Variants in NFIA observed in about 807,000 individuals in gnomAD.
NFIA encodes nuclear factor I A.
NFIA carries 8 observed loss-of-function variants against 62.8 expected under a neutral mutation model. The ratio of observed to expected loss-of-function variants is 0.13; its 90% CI spans 0.07 to 0.23. The LOEUF (loss-of-function observed/expected upper bound fraction) is 0.23. Among genes scored for constraint, NFIA ranks in the 10% least tolerant of loss-of-function variants. NFIA has a pLI of 1.00. For missense variants in NFIA, 410 were observed against 642.1 expected, an observed-to-expected ratio of 0.64 and a Z score of 3.91; for synonymous variants, 235 against 238.1, an observed-to-expected ratio of 0.99 and a Z score of 0.12.
rs111766574 is a variant in NFIA at position 61,415,434 on chromosome 1, G to A, written c.1420+8707G>A. On this transcript the variant is annotated intron_variant, in intron 9 of 10. Coordinates refer to ENST00000403491, the MANE Select transcript of NFIA (RefSeq NM_001134673.4). ...AGATAGAAAAAAAATTGTAACAGACGTGACAGGGCTAAATTATCTAACATA... is the reference window on the plus strand; with the variant it reads ...AGATAGAAAAAAAATTGTAACAGACATGACAGGGCTAAATTATCTAACATA... Among the ~76,000 whole-genome samples, 1,360 of 152,136 alleles carry A rather than the reference G, an allele frequency of 8.9e-3. 17 individuals carry two copies. Among genetic ancestry groups the A allele is most frequent in the African/African-American group, 0.031 (1,278 of 41,510 alleles).
intron 6 of NFIA, among the ~76,000 whole-genome samples, chr1:61,368,082 A>C (rs1412777975): frequency 6.6e-6 from 1 of 152,238 alleles, no homozygotes; most frequent in Non-Finnish European, 1.5e-5. Flanking sequence ...GTGAATGCAG[A>C]AGCTCTCAGG....
chr1:61,399,070 G>T (rs1230772627), intron 7 of NFIA, among the ~76,000 whole-genome samples: 1 of 152,074 alleles, frequency 6.6e-6, no homozygotes, highest in Admixed American at 6.5e-5. Context: ...GAGTAGTCAA[G>T]AGTTCTTAAT....
At chr1:61,445,099 G>A (rs1557444505) in intron 10 of NFIA, among the ~76,000 whole-genome samples, 2 of 152,140 alleles carry the variant, frequency 1.3e-5, no homozygotes, top group South Asian at 2.1e-4. Flanking sequence ...CTTTGCTTGC[G>A]AGATCTCCAT....
At chr1:61,426,661 C>T in intron 10 of NFIA, 105 bp downstream of exon 10, 1 of 832,566 alleles carries the variant, frequency 1.2e-6, no homozygotes. Context: ...AGACCCTGTC[C>T]AGTCTTCCCT....
chr1:61,333,350 C>A (rs1436622259), intron 4 of NFIA, among the ~76,000 whole-genome samples: 1 of 152,038 alleles, frequency 6.6e-6, no homozygotes, highest in African/African-American at 2.4e-5. Flanking sequence ...AGGTTCATAC[C>A]CCCCATTCAC....
intron 3 of NFIA, among the ~76,000 whole-genome samples, chr1:61,288,574 C>T (rs1358091019): frequency 6.6e-6 from 1 of 152,188 alleles, no homozygotes; most frequent in Non-Finnish European, 1.5e-5. Context: ...AATAGTAGCT[C>T]ACAATCATTG....
At chr1:61,382,242 C>T (rs926503559) in intron 6 of NFIA, among the ~76,000 whole-genome samples, 1 of 152,082 alleles carries the variant, frequency 6.6e-6, no homozygotes, top group African/African-American at 2.4e-5. Flanking sequence ...GGTATGTCAG[C>T]GTGGTTGCCG....
intron 2 of NFIA, among the ~76,000 whole-genome samples, chr1:61,275,093 A>G (rs1657729943): frequency 6.6e-6 from 1 of 152,184 alleles, no homozygotes; most frequent in Admixed American, 6.5e-5. Flanking sequence ...TAAAACTAGA[A>G]AAATTAAATT....
At chr1:61,216,432 G>A (rs1048883791) in intron 2 of NFIA, among the ~76,000 whole-genome samples, 5 of 152,098 alleles carry the variant, frequency 3.3e-5, no homozygotes, top group Non-Finnish European at 7.4e-5. Flanking sequence ...TTCTTGCTCT[G>A]GGTAAAAGGT....
chr1:61,419,406 C>G (rs1666501458), intron 9 of NFIA, among the ~76,000 whole-genome samples: 1 of 152,172 alleles, frequency 6.6e-6, no homozygotes, highest in African/African-American at 2.4e-5. Flanking sequence ...GCACTCCACT[C>G]CAGCCTGGGT....
At chr1:61,378,638 G>C (rs1412894237) in intron 6 of NFIA, among the ~76,000 whole-genome samples, 1 of 152,110 alleles carries the variant, frequency 6.6e-6, no homozygotes, top group Non-Finnish European at 1.5e-5. Flanking sequence ...CAGTTTCCAT[G>C]GGTCTGGAGC....
chr1:61,341,592 C>T (rs1020057766), intron 4 of NFIA, among the ~76,000 whole-genome samples: 1 of 152,152 alleles, frequency 6.6e-6, no homozygotes, highest in African/African-American at 2.4e-5. Context: ...ATCCTCCCAC[C>T]TCAGCCTTCC....
At position 61,128,448 on chromosome 1, in the gene NFIA, C is replaced by T. The variant is rs115250548; in HGVS notation, c.559+39768C>T. Among the ~76,000 whole-genome samples the T allele has an allele frequency of 6.4e-3, 968 of 151,974 alleles. 16 individuals carry two copies. The highest frequency in any genetic ancestry group is 0.021 in the African/African-American group (887 of 41,458). The stretch of plus-strand genomic sequence containing the variant: ...AAACATAGCGAAACCACATCTCTAC[C>T]GAAAAATACAAAAATTAGCCATGCT... On this transcript the variant is annotated intron_variant, in intron 2 of 10. Coordinates refer to ENST00000403491, the MANE Select transcript of NFIA (RefSeq NM_001134673.4).
chr1:61,096,860 GTTCT>G (rs1557562260), intron 2 of NFIA, among the ~76,000 whole-genome samples: 1 of 151,892 alleles, frequency 6.6e-6, no homozygotes, highest in African/African-American at 2.4e-5. Flanking sequence ...GACAAGATTA[GTTCT>G]TAATGATTTC....
chr1:61,462,035 T>G lies in NFIA; in HGVS notation c.*6715T>G, dbSNP rs948772798. The G allele has an allele frequency of 4.0e-5, 6 of 149,946 alleles. No homozygotes were observed. Among genetic ancestry groups the G allele is most frequent in the African/African-American group, 1.5e-4 (6 of 40,764 alleles). 9.3% of individuals were successfully genotyped at this position (149,946 alleles called of 1,614,324 possible). Reference sequence around the variant, plus strand: ...GTTAGCCTTTTTGGGTTTTTTTTTTTTTTTTTTGGCTTTTTTTTTTGTTTG... The same window carrying G: ...GTTAGCCTTTTTGGGTTTTTTTTTTGTTTTTTTGGCTTTTTTTTTTGTTTG... On this transcript the variant is annotated 3_prime_UTR_variant, in exon 11 of 11. Coordinates refer to ENST00000403491, the MANE Select transcript of NFIA (RefSeq NM_001134673.4).
At chr1:61,388,232 A>G (rs962606703) in intron 7 of NFIA, among the ~76,000 whole-genome samples, 2 of 152,232 alleles carry the variant, frequency 1.3e-5, no homozygotes, top group Non-Finnish European at 2.9e-5. Flanking sequence ...GCATTTGTAC[A>G]TCGTTATACG....
Position 61,406,542 on chromosome 1 carries a change from T to TG in NFIA, c.1255-19dup, listed in dbSNP as rs1665830183. ...TTCTTTTTCTTGTACGTGTGTTTTCTGCCCCCCCCCCCCCCACAGCCCAAT... is the reference window on the plus strand; with the variant it reads ...TTCTTTTTCTTGTACGTGTGTTTTCTGGCCCCCCCCCCCCCCACAGCCCAAT... On this transcript the variant is annotated intron_variant, in intron 8 of 10. Transcript: ENST00000403491. 10 of 1,253,830 alleles carry TG rather than the reference T, an allele frequency of 8.0e-6. No homozygotes were observed. Among genetic ancestry groups the TG allele is most frequent in the Non-Finnish European group, 1.1e-5 (10 of 931,744 alleles). 77.7% of individuals were successfully genotyped at this position (1,253,830 alleles called of 1,614,324 possible).
intron 3 of NFIA, among the ~76,000 whole-genome samples, chr1:61,301,083 G>A (rs139362460): frequency 6.6e-6 from 1 of 152,110 alleles, no homozygotes; most frequent in Admixed American, 6.6e-5. Flanking sequence ...ATACATACCA[G>A]TTCCTCAAGG....
chr1:61,185,948 A>T (rs1319246267), intron 2 of NFIA, among the ~76,000 whole-genome samples: 1 of 152,172 alleles, frequency 6.6e-6, no homozygotes, highest in Non-Finnish European at 1.5e-5. Flanking sequence ...CTATGATGTC[A>T]GTCCCACAAG....
Sources: gnomAD v4.1 joint callset for allele counts (sites outside exome capture counted in the v4.1 genomes callset) on GRCh38, gnomAD v4.1.1 for gene constraint, MANE v1.5 for transcripts, NCBI Gene and HGNC (gene_info 2026-07-23, HGNC 2026-07-21) for gene names.